REDIC1: variants seen among roughly 807,000 people sequenced by gnomAD.
The protein encoded by REDIC1 is regulator of DNA class I crossover intermediates 1.
chr12:39,796,172 C>G, the REDIC1 span, among the ~76,000 whole-genome samples: 1 of 152,070 alleles, frequency 6.6e-6, no homozygotes, highest in African/African-American at 2.4e-5. Flanking sequence ...AACATGTTTC[C>G]AAGGTTATGC....
At chr12:39,871,500 T>C in the REDIC1 span, among the ~76,000 whole-genome samples, 1 of 151,926 alleles carries the variant, frequency 6.6e-6, no homozygotes, top group Non-Finnish European at 1.5e-5. Context: ...AAAAAACAAT[T>C]ATTTTTTTTC....
chr12:39,838,449 A>G, the REDIC1 span, among the ~76,000 whole-genome samples: 49 of 150,174 alleles, frequency 3.3e-4, no homozygotes, highest in Non-Finnish European at 6.9e-4. Context: ...TATGTAACTA[A>G]CCTGCACAAT....
the REDIC1 span, among the ~76,000 whole-genome samples, chr12:39,833,075 T>C: frequency 6.6e-6 from 1 of 152,126 alleles, no homozygotes; most frequent in Non-Finnish European, 1.5e-5. Context: ...GAAATTATTA[T>C]CATCTATGAC....
chr12:39,907,359 A>G, the REDIC1 span, among the ~76,000 whole-genome samples: 3 of 152,124 alleles, frequency 2.0e-5, no homozygotes, highest in South Asian at 2.1e-4. Context: ...AATTTTCTCA[A>G]TGAAGAAAGA....
chr12:39,682,479 T>A, the REDIC1 span: 2 of 494,736 alleles, frequency 4.0e-6, no homozygotes, highest in East Asian at 3.6e-5. Context: ...TATTTAAATA[T>A]AAAAAATAAA....
chr12:39,860,255 G>T, the REDIC1 span, among the ~76,000 whole-genome samples: 1 of 152,216 alleles, frequency 6.6e-6, no homozygotes, highest in Non-Finnish European at 1.5e-5. Flanking sequence ...TGAAAGGCTT[G>T]AATTAGGTTA....
chr12:39,671,709 TG>T, the REDIC1 span, among the ~76,000 whole-genome samples: 131 of 151,724 alleles, frequency 8.6e-4, no homozygotes, highest in East Asian at 0.018. Context: ...GGCCCCTGGG[TG>T]GTGTGTGTGT....
the REDIC1 span, among the ~76,000 whole-genome samples, chr12:39,875,526 T>C: frequency 2.0e-5 from 3 of 152,216 alleles, no homozygotes; most frequent in Admixed American, 1.3e-4. Context: ...AGGATGTTTG[T>C]ATGTCCTTGG....
chr12:39,665,249 A>G, the REDIC1 span, among the ~76,000 whole-genome samples: 1 of 152,120 alleles, frequency 6.6e-6, no homozygotes, highest in African/African-American at 2.4e-5. Flanking sequence ...TAGTTTTTGT[A>G]TAAGGTGTAA....
At chr12:39,675,376 A>G in the REDIC1 span, among the ~76,000 whole-genome samples, 1 of 151,906 alleles carries the variant, frequency 6.6e-6, no homozygotes, top group Non-Finnish European at 1.5e-5. Context: ...TGGGAACTCT[A>G]TGGCCCCACC....
the REDIC1 span, among the ~76,000 whole-genome samples, chr12:39,824,256 T>G: frequency 6.6e-6 from 1 of 152,236 alleles, no homozygotes; most frequent in East Asian, 1.9e-4. Context: ...GCTTCCCCAG[T>G]GGCAATTTTT....
chr12:39,849,512 T>G, the REDIC1 span, among the ~76,000 whole-genome samples: 2 of 152,324 alleles, frequency 1.3e-5, no homozygotes, highest in Non-Finnish European at 2.9e-5. Flanking sequence ...GGCTGTTTAT[T>G]GAGGTGCTCA....
chr12:39,686,798 T>G, the REDIC1 span, among the ~76,000 whole-genome samples: 1 of 152,230 alleles, frequency 6.6e-6, no homozygotes, highest in Non-Finnish European at 1.5e-5. Context: ...GTTCCAGTTT[T>G]ATATCATTTC....
the REDIC1 span, chr12:39,736,691 C>T: frequency 6.6e-6 from 1 of 152,234 alleles, no homozygotes; most frequent in Admixed American, 6.5e-5. Flanking sequence ...TTCCAGCTGG[C>T]ATGCTCACTG....
chr12:39,786,372 A>ACCGTGATTCTGAGGCCTCCCCAG, the REDIC1 span, among the ~76,000 whole-genome samples: 2 of 149,998 alleles, frequency 1.3e-5, no homozygotes, highest in South Asian at 2.2e-4. Context: ...TTCATCTCCC[A>ACCGTGATTCTGAGGCCTCCCCAG]CCATGATTCT....
chr12:39,888,722 T>G, the REDIC1 span, among the ~76,000 whole-genome samples: 1 of 152,218 alleles, frequency 6.6e-6, no homozygotes, highest in Admixed American at 6.5e-5. Flanking sequence ...TCAAAGAAGT[T>G]TGTCAACACA....
the REDIC1 span, among the ~76,000 whole-genome samples, chr12:39,698,544 A>G: frequency 6.6e-6 from 1 of 152,232 alleles, no homozygotes; most frequent in Non-Finnish European, 1.5e-5. Flanking sequence ...CAGAATAGAC[A>G]TTCTTTTCCT....
At chr12:39,855,832 AAG>A in the REDIC1 span, among the ~76,000 whole-genome samples, 1 of 152,220 alleles carries the variant, frequency 6.6e-6, no homozygotes, top group South Asian at 2.1e-4. Flanking sequence ...GTTACAGTTG[AAG>A]AGACATGTGA....
At chr12:39,699,593 C>A in the REDIC1 span, among the ~76,000 whole-genome samples, 1 of 152,212 alleles carries the variant, frequency 6.6e-6, no homozygotes, top group South Asian at 2.1e-4. Context: ...CTGGGTGGAG[C>A]CCACCACAGC....
Sources: gnomAD v4.1 joint callset for allele counts (sites outside exome capture counted in the v4.1 genomes callset) on GRCh38, gnomAD v4.1.1 for gene constraint, MANE v1.5 for transcripts, NCBI Gene and HGNC (gene_info 2026-07-23, HGNC 2026-07-21) for gene names.